ARID1A: variants seen among roughly 807,000 people sequenced by gnomAD.
The protein encoded by ARID1A is AT-rich interactive domain-containing protein 1A.
In ARID1A, 20 loss-of-function variants were observed where a neutral mutation model predicts 212.6. The ratio of observed to expected loss-of-function variants is 0.09; its 90% confidence interval spans 0.07 to 0.14. ARID1A has a LOEUF of 0.14. ARID1A is among the 10% of genes least tolerant of loss of function. The pLI is 1.00. For missense variants in ARID1A, 2,587 were observed against 3,059.0 expected, an observed-to-expected ratio of 0.85 and a Z score of 3.64; for synonymous variants, 1,376 against 1,222.1, an observed-to-expected ratio of 1.13 and a Z score of -2.63.
intron 6 of ARID1A, among the ~76,000 whole-genome samples, 191 bp downstream of exon 6, chr1:26,761,664 A>T (rs1023028156): frequency 6.6e-5 from 10 of 152,238 alleles, no homozygotes; most frequent in African/African-American, 2.2e-4. Context: ...TTTCAATAGA[A>T]GTAACGTATA....
intron 19 of ARID1A, chr1:26,778,806 A>C: frequency 2.3e-6 from 1 of 429,792 alleles, no homozygotes; most frequent in Non-Finnish European, 4.1e-6. Context: ...TCCTGGAGAT[A>C]GGCTTACGTG....
At position 26,747,219 on chromosome 1, in the gene ARID1A, CGATGGCCTGAAAG is replaced by C. The variant is rs143829101; in HGVS notation, c.1921-13636_1921-13624del. On this transcript the variant is annotated intron_variant, in intron 4 of 19. Coordinates refer to ENST00000324856, the MANE Select transcript of ARID1A (RefSeq NM_006015.6). ...TGCTTGGTCTCCTAATCCCCCTACTCGATGGCCTGAAAGTGTTTCATCTTCCCTGCCTGTTATC... is the reference window on the plus strand; with the variant it reads ...TGCTTGGTCTCCTAATCCCCCTACTCTGTTTCATCTTCCCTGCCTGTTATC... Among the ~76,000 whole-genome samples the C allele has an allele frequency of 7.4e-3, 1,134 of 152,286 alleles. 12 individuals are homozygous for C. Among genetic ancestry groups the C allele is most frequent in the African/African-American group, 0.026 (1,070 of 41,556 alleles).
Position 26,779,440 on chromosome 1 carries a change from G to A in ARID1A, c.5542G>A (p.Gly1848Arg). The part of the protein sequence containing the change: ...DSGLLHWRIG[G>R]GDTTEHIQTH... ...TGGCCTGCTGCACTGGCGGATTGGTGGGGGGGACACCACTGAGCATATCCA... is the reference window on the plus strand; with the variant it reads ...TGGCCTGCTGCACTGGCGGATTGGTAGGGGGGACACCACTGAGCATATCCA... The change falls in exon 20 of 20, where the codon GGG becomes AGG. Residue 1848 changes from glycine (G) to arginine (R), a missense_variant. Transcript: ENST00000324856. 3.7e-6 allele frequency: 6 copies of A among 1,614,036 alleles called. No individual in the cohort carries two copies. The highest frequency in any genetic ancestry group is 3.3e-5 in the South Asian group (3 of 91,076).
intron 11 of ARID1A, chr1:26,769,627 T>C (rs985191805): frequency 1.3e-5 from 2 of 152,304 alleles, no homozygotes; most frequent in Non-Finnish European, 1.5e-5. Flanking sequence ...CCTCTGTGCC[T>C]CTTTAAACTC....
At chr1:26,745,822 C>T (rs1480781101) in intron 4 of ARID1A, among the ~76,000 whole-genome samples, 3 of 152,056 alleles carry the variant, frequency 2.0e-5, no homozygotes, top group African/African-American at 7.2e-5. Flanking sequence ...GAGGTTGAGG[C>T]GGTGAGATCA....
intron 1 of ARID1A, among the ~76,000 whole-genome samples, chr1:26,720,062 C>A (rs568318420): frequency 4.6e-5 from 7 of 150,676 alleles, no homozygotes; most frequent in Non-Finnish European, 1.0e-4. Flanking sequence ...ACCAGCCTGA[C>A]CAACATGGTG....
intron 1 of ARID1A, among the ~76,000 whole-genome samples, chr1:26,699,013 T>C (rs898822260): frequency 4.6e-5 from 7 of 152,222 alleles, no homozygotes; most frequent in South Asian, 2.1e-4. Flanking sequence ...CTGGTGTCTT[T>C]CATGATCTTG....
At chr1:26,748,987 A>G (rs2080861915) in intron 4 of ARID1A, among the ~76,000 whole-genome samples, 1 of 151,936 alleles carries the variant, frequency 6.6e-6, no homozygotes, top group Non-Finnish European at 1.5e-5. Context: ...ACACGGTGAA[A>G]CCTCATCTCT....
At chr1:26,730,827 A>T (rs2080668490) in intron 2 of ARID1A, among the ~76,000 whole-genome samples, 1 of 152,244 alleles carries the variant, frequency 6.6e-6, no homozygotes. Context: ...TAACACTTAT[A>T]AAAACAGTCT....
chr1:26,756,521 C>T (rs1169596538), intron 4 of ARID1A, among the ~76,000 whole-genome samples: 2 of 150,614 alleles, frequency 1.3e-5, no homozygotes, highest in Non-Finnish European at 3.0e-5. Flanking sequence ...ATACCACTGC[C>T]CTCCAGCCTG....
intron 4 of ARID1A, among the ~76,000 whole-genome samples, chr1:26,755,103 A>C (rs997050185): frequency 2.6e-5 from 4 of 152,186 alleles, no homozygotes; most frequent in African/African-American, 9.7e-5. Context: ...CCAGACCCTG[A>C]CTCAAAAAAA....
Position 26,774,163 on chromosome 1 carries a change from T to C in ARID1A, c.4102-166T>C, listed in dbSNP as rs1472392927. 3.8e-6 allele frequency: 5 copies of C among 1,317,018 alleles called. No individual in the cohort carries two copies. The highest frequency in any genetic ancestry group is 4.1e-6 in the Non-Finnish European group (4 of 986,300). 81.6% of individuals were successfully genotyped at this position (1,317,018 alleles called of 1,614,324 possible). A position where few individuals can be genotyped will look rare whatever the true frequency, so the allele number is the denominator to read the frequency against. On this transcript the variant is annotated intron_variant, in intron 17 of 19. Coordinates refer to ENST00000324856, the MANE Select transcript of ARID1A (RefSeq NM_006015.6). This position sits in a 1 kb window ranked among gnomAD's most constrained non-coding sequence, Gnocchi z 5.6. ...AGCAAGGGAAGGGAAGAAAGAGTGGTGGTTGCTTTTGGAAACAACTTCAAA... is the reference window on the plus strand; with the variant it reads ...AGCAAGGGAAGGGAAGAAAGAGTGGCGGTTGCTTTTGGAAACAACTTCAAA...
At chr1:26,697,721 C>T (rs144995714) in intron 1 of ARID1A, among the ~76,000 whole-genome samples, 181 bp downstream of exon 1, 140 of 152,192 alleles carry the variant, frequency 9.2e-4, no homozygotes, top group Middle Eastern at 3.4e-3. Context: ...CTCCTTCCCT[C>T]CTTCAGCCTT....
intron 1 of ARID1A, among the ~76,000 whole-genome samples, chr1:26,705,600 C>G (rs1267454907): frequency 6.6e-6 from 1 of 152,158 alleles, no homozygotes; most frequent in African/African-American, 2.4e-5. Context: ...GAATTGGGCA[C>G]CATAGTTAAC....
rs773397950 is a variant in ARID1A, at chr1:26,731,558, A to G, written c.1757A>G (p.Gln586Arg). The G allele has an allele frequency of 6.2e-7, 1 of 1,614,152 alleles. No individual in the cohort carries two copies. Among genetic ancestry groups the G allele is most frequent in the South Asian group, 1.1e-5 (1 of 91,090 alleles). The change falls in exon 3 of 20, where the codon CAG becomes CGG. Residue 586 changes from glutamine to arginine, a missense_variant. By Grantham distance (43) the Gln-to-Arg change is conservative. Around this residue, in one of 11 missense-constraint regions of ARID1A, gnomAD observed 674 missense variants for 813.4 expected, o/e 0.83. Coordinates refer to ENST00000324856, the MANE Select transcript of ARID1A (RefSeq NM_006015.6). ...GCGTATCCTCAGCCCCAGTCTCAGCAGTCCCAGCAAACTGCCTATTCCCAG... is the reference window on the plus strand; with the variant it reads ...GCGTATCCTCAGCCCCAGTCTCAGCGGTCCCAGCAAACTGCCTATTCCCAG... ...QAAYPQPQSQ[Q>R]SQQTAYSQQR...
intron 4 of ARID1A, among the ~76,000 whole-genome samples, chr1:26,756,888 A>G (rs1041205825): frequency 2.6e-5 from 4 of 151,538 alleles, no homozygotes; most frequent in African/African-American, 9.7e-5. Flanking sequence ...ATTTTTAGTA[A>G]AGACGGGGTT....
intron 6 of ARID1A, among the ~76,000 whole-genome samples, chr1:26,761,776 C>T (rs770726120): frequency 2.6e-5 from 4 of 152,084 alleles, no homozygotes; most frequent in Non-Finnish European, 2.9e-5. Context: ...TGGGCTTGGC[C>T]GTGTTAATGT....
intron 3 of ARID1A, among the ~76,000 whole-genome samples, chr1:26,731,919 C>G (rs184926207): frequency 5.1e-4 from 78 of 152,118 alleles, no homozygotes; most frequent in Non-Finnish European, 1.0e-3. Flanking sequence ...AAATCAACAT[C>G]AGAACTTCAG....
At chr1:26,706,096 A>G (rs1222191058) in intron 1 of ARID1A, among the ~76,000 whole-genome samples, 1 of 152,226 alleles carries the variant, frequency 6.6e-6, no homozygotes, top group African/African-American at 2.4e-5. Flanking sequence ...AGTGCTCTGC[A>G]GGCCCAAAGC....
Sources: allele counts gnomAD v4.1 joint callset (sites outside exome capture counted in the v4.1 genomes callset), GRCh38; gene constraint gnomAD v4.1.1; regional missense constraint gnomAD v4.1.1; non-coding constraint Gnocchi (gnomAD v3.1); transcripts MANE v1.5; gene names NCBI Gene and HGNC (gene_info 2026-07-23, HGNC 2026-07-21).